The following PTHLH variants were observed in gnomAD, a reference collection of about 807,000 sequenced individuals.
The protein encoded by PTHLH is parathyroid hormone-related protein.
PTHLH carries 5 observed loss-of-function variants against 18.6 expected under a neutral mutation model. That is an observed-to-expected ratio of 0.27 (90% confidence interval 0.14 to 0.56). The LOEUF is 0.56. Among genes scored for constraint, PTHLH ranks in the 20% least tolerant of loss-of-function variants. The pLI, the probability that PTHLH is intolerant of heterozygous loss-of-function variation, is 0.92. For missense variants in PTHLH, 207 were observed against 223.9 expected (o/e 0.92, Z 0.48); for synonymous variants, 90 against 94.0 (o/e 0.96, Z 0.25).
chr12:27,964,099 A>C (rs1057166098), intron 4 of PTHLH, among the ~76,000 whole-genome samples: 4 of 152,172 alleles, frequency 2.6e-5, no homozygotes, highest in African/African-American at 9.7e-5. Context: ...CCCGGTTTAA[A>C]ACATATGATT....
intron 4 of PTHLH, among the ~76,000 whole-genome samples, chr12:27,964,713 A>T (rs999149028): frequency 1.3e-5 from 2 of 152,190 alleles, no homozygotes; most frequent in Non-Finnish European, 2.9e-5. Flanking sequence ...GAAAAAATAT[A>T]AAGGATTTTT....
At chr12:27,970,479 G>A (rs1022852873) in intron 2 of PTHLH, 2 of 151,360 alleles carry the variant, frequency 1.3e-5, no homozygotes, top group African/African-American at 4.8e-5. Context: ...CCGCGCTGCC[G>A]ACCCCGGAGC....
chr12:27,968,739 T>G (rs1400539102), intron 4 of PTHLH, among the ~76,000 whole-genome samples: 1 of 152,180 alleles, frequency 6.6e-6, no homozygotes, highest in Non-Finnish European at 1.5e-5. Flanking sequence ...ATTAAAGAAC[T>G]GTTAGCAATA....
Position 27,958,399 on chromosome 12 carries a change from T to C in PTHLH, c.*160A>G, listed in dbSNP as rs1023601136. On this transcript the variant is annotated 3_prime_UTR_variant, in exon 6 of 6. Transcript: ENST00000545234. ...GATTAGCCTTGGCAAAAAAAAAATA[T>C]TCACAATGACCAATGTGCAGTTTCA... 2 of 541,050 alleles carry C rather than the reference T, an allele frequency of 3.7e-6. No homozygotes were observed. The highest frequency in any genetic ancestry group is 4.0e-5 in the African/African-American group (2 of 50,018). The allele number at this position is 541,050 out of a possible 1,614,324, so 33.5% of individuals were successfully genotyped here.
chr12:27,970,952 A>G (rs998409351), intron 2 of PTHLH, among the ~76,000 whole-genome samples: 1 of 152,126 alleles, frequency 6.6e-6, no homozygotes, highest in Non-Finnish European at 1.5e-5. Flanking sequence ...TCCAGATTTC[A>G]TATCTAAATT....
chr12:27,967,923 A>C (rs2062830942), intron 4 of PTHLH, among the ~76,000 whole-genome samples: 1 of 152,240 alleles, frequency 6.6e-6, no homozygotes, highest in African/African-American at 2.4e-5. Context: ...TGTTTCTCAA[A>C]AGAGAAAACA....
intron 4 of PTHLH, among the ~76,000 whole-genome samples, chr12:27,968,669 C>T (rs777658203): frequency 6.6e-6 from 1 of 152,174 alleles, no homozygotes; most frequent in South Asian, 2.1e-4. Flanking sequence ...TTAAAAGAAT[C>T]ACCAAGTGAG....
chr12:27,958,625 T>C (rs1030471602), intron 5 of PTHLH, 57 bp from the exon 6 acceptor site: 114 of 1,476,464 alleles, frequency 7.7e-5, no homozygotes, highest in Non-Finnish European at 1.0e-4. Context: ...TCTTTACAAA[T>C]GAAAACATAA....
chr12:27,962,959 G>C (rs1025184751), intron 5 of PTHLH: 30 of 1,125,890 alleles, frequency 2.7e-5, no homozygotes, highest in Non-Finnish European at 7.7e-6. Flanking sequence ...CGTAAGAAAT[G>C]AAAAACACTG....
chr12:27,970,033 G>T lies in PTHLH; in HGVS notation c.-31C>A. On this transcript the variant is annotated 5_prime_UTR_variant, in exon 3 of 6. Transcript: ENST00000545234. Reference sequence around the variant, plus strand: ...CATAGCTGTCTGTCTACCTCCTCTGGTGGGCTGGTTGCTTCCGGAAAGTTG... The same window carrying T: ...CATAGCTGTCTGTCTACCTCCTCTGTTGGGCTGGTTGCTTCCGGAAAGTTG... The T allele has an allele frequency of 1.9e-6, 1 of 519,048 alleles. No individual in the cohort carries two copies. The highest frequency in any genetic ancestry group is 1.4e-5 in the South Asian group (1 of 71,596). The allele number at this position is 519,048 out of a possible 1,614,324, so 32.2% of individuals were successfully genotyped here.
chr12:27,968,444 C>T (rs552280446), intron 4 of PTHLH, among the ~76,000 whole-genome samples: 1 of 152,194 alleles, frequency 6.6e-6, no homozygotes, highest in Non-Finnish European at 1.5e-5. Flanking sequence ...AAACGCATCT[C>T]AGTTCTCGAA....
intron 4 of PTHLH, among the ~76,000 whole-genome samples, chr12:27,966,935 G>C (rs1293141700): frequency 1.3e-5 from 2 of 152,208 alleles, no homozygotes; most frequent in African/African-American, 4.8e-5. Context: ...CTGATGCTAG[G>C]CTTCTAAGGA....
At position 27,963,672 on chromosome 12, in the gene PTHLH, A is replaced by G. The variant is rs774207195; in HGVS notation, c.200T>C (p.Ile67Thr). The stretch of plus-strand genomic sequence containing the variant: ...GGTAGCTCTGATTTCAGCTGTGTGG[A>G]TTTCTGCGATCAGATGGTGAAGGAA... ...RFFLHHLIAE[I>T]HTAEIRATSE... The change falls in exon 5 of 6, where the codon ATC becomes ACC. Residue 67 changes from isoleucine (I) to threonine (T), a missense_variant. Coordinates refer to ENST00000545234, the MANE Select transcript of PTHLH (RefSeq NM_198965.2). 1 of 1,613,598 alleles carries G rather than the reference A, an allele frequency of 6.2e-7. No homozygotes were observed. Among genetic ancestry groups the G allele is most frequent in the Non-Finnish European group, 8.5e-7 (1 of 1,179,818 alleles).
chr12:27,966,726 G>A (rs1439744796), intron 4 of PTHLH, among the ~76,000 whole-genome samples: 4 of 151,968 alleles, frequency 2.6e-5, no homozygotes, highest in African/African-American at 7.3e-5. Flanking sequence ...AAAAAAAATT[G>A]CAAAATTTTG....
Position 27,958,334 on chromosome 12 carries a change from T to A in PTHLH, c.*225A>T. The A allele has an allele frequency of 2.6e-6, 1 of 389,184 alleles. No homozygotes were observed. The highest frequency in any genetic ancestry group is 4.6e-6 in the Non-Finnish European group (1 of 217,678). 24.1% of individuals were successfully genotyped at this position (389,184 alleles called of 1,614,324 possible). A position where few individuals can be genotyped will look rare whatever the true frequency, so the allele number is the denominator to read the frequency against. On this transcript the variant is annotated 3_prime_UTR_variant, in exon 6 of 6. Coordinates refer to ENST00000545234, the MANE Select transcript of PTHLH (RefSeq NM_198965.2). ...TACATTTACAAAATAAATACATCAA[T>A]GGACAAAATAAATTATGGTAAATGT...
chr12:27,969,369 G>A (rs745696871), intron 4 of PTHLH, 25 bp downstream of exon 4: 7 of 1,551,470 alleles, frequency 4.5e-6, no homozygotes, highest in Non-Finnish European at 6.1e-6. Flanking sequence ...CCAACCCGGC[G>A]CCCTGGGGAG....
At chr12:27,961,287 G>GTATA (rs1555124070) in intron 5 of PTHLH, among the ~76,000 whole-genome samples, 8 of 34,182 alleles carry the variant, frequency 2.3e-4, no homozygotes, top group African/African-American at 3.7e-4. Flanking sequence ...ATATATATAC[G>GTATA]TATATATATA....
At chr12:27,962,564 G>C in intron 5 of PTHLH, 1 of 985,416 alleles carries the variant, frequency 1.0e-6, no homozygotes, top group Non-Finnish European at 1.2e-6. Flanking sequence ...CTCAATCTGT[G>C]AGCTAAGGAT....
intron 5 of PTHLH, chr12:27,962,650 A>G: frequency 1.0e-5 from 10 of 985,334 alleles, no homozygotes; most frequent in Non-Finnish European, 1.2e-5. Flanking sequence ...CTTGCCAATG[A>G]ACAAAAAGAT....
Sources: allele counts gnomAD v4.1 joint callset (sites outside exome capture counted in the v4.1 genomes callset), GRCh38; gene constraint gnomAD v4.1.1; transcripts MANE v1.5; gene names NCBI Gene and HGNC (gene_info 2026-07-23, HGNC 2026-07-21).